The following MLLT1 variants were observed in gnomAD, a reference collection of about 807,000 sequenced individuals.
The protein encoded by MLLT1 is MLLT1 super elongation complex subunit.
MLLT1 carries 11 observed loss-of-function variants against 55.1 expected under a neutral mutation model. The observed-to-expected ratio is 0.20, with a 90% CI of 0.13 to 0.33. The LOEUF (loss-of-function observed/expected upper bound fraction) is 0.33. MLLT1 is among the 10% of genes least tolerant of loss of function. The pLI is 1.00. For missense variants in MLLT1, 536 were observed against 760.6 expected, an observed-to-expected ratio of 0.70 and a Z score of 3.47; for synonymous variants, 323 against 320.1, an observed-to-expected ratio of 1.01 and a Z score of -0.10.
Position 6,226,822 on chromosome 19 carries a change from C to T in MLLT1, c.546+155G>A, listed in dbSNP as rs1340491951. ...CTGAAATCCTAGGGAAGCGGCAGTG[C>T]GCAGCGAGGGGTGTGCAGAGAGCTC... is the stretch of plus-strand genomic sequence containing the variant. On this transcript the variant is annotated intron_variant, in intron 5 of 11. Transcript: ENST00000252674. This position sits in a 1 kb window ranked among gnomAD's most constrained non-coding sequence, Gnocchi z 6.3. 2.0e-5 allele frequency among the ~76,000 whole-genome samples: 3 copies of T among 152,008 alleles called. No individual in the cohort carries two copies. Among genetic ancestry groups the T allele is most frequent in the South Asian group, 2.1e-4 (1 of 4,830 alleles).
At position 6,219,264 on chromosome 19, in the gene MLLT1, C is replaced by T. The variant is rs549333958; in HGVS notation, c.1111-1223G>A. Among the ~76,000 whole-genome samples the T allele has an allele frequency of 6.6e-6, 1 of 152,304 alleles. No individual in the cohort carries two copies. Among genetic ancestry groups the T allele is most frequent in the African/African-American group, 2.4e-5 (1 of 41,576 alleles). ...CCCAGCCCCCTCCTGCCCCTCAAACCAGCCCCTGCCAGCGCCCCTTCCCAC... is the reference window on the plus strand; with the variant it reads ...CCCAGCCCCCTCCTGCCCCTCAAACTAGCCCCTGCCAGCGCCCCTTCCCAC... On this transcript the variant is annotated intron_variant, in intron 6 of 11. Transcript: ENST00000252674. This position sits in a 1 kb window ranked among gnomAD's most constrained non-coding sequence, Gnocchi z 4.5.
intron 8 of MLLT1, 56 bp from the exon 9 acceptor site, chr19:6,214,094 C>T (rs1358599522): frequency 8.6e-7 from 1 of 1,162,864 alleles, no homozygotes; most frequent in Non-Finnish European, 1.1e-6. Flanking sequence ...GCCCCCACCC[C>T]ACCCCCAGGC....
rs2091102905 is a variant in MLLT1, at chr19:6,240,327, G to GCCT, written c.277-9615_277-9614insAGG. ...AAGAGGCTGGCCCTGGTCAGGGGAGGCGGGGGAGTTTTCTTCTTGTACCCC... is the reference window on the plus strand; with the variant it reads ...AAGAGGCTGGCCCTGGTCAGGGGAGGCCTCGGGGGAGTTTTCTTCTTGTACCCC... On this transcript the variant is annotated intron_variant, in intron 3 of 11. Coordinates refer to ENST00000252674, the MANE Select transcript of MLLT1 (RefSeq NM_005934.4). The surrounding 1 kb of genome is among the most constrained non-coding windows in gnomAD (Gnocchi z 4.7). Among the ~76,000 whole-genome samples the GCCT allele has an allele frequency of 6.6e-6, 1 of 152,236 alleles. No individual in the cohort carries two copies. Among genetic ancestry groups the GCCT allele is most frequent in the South Asian group, 2.1e-4 (1 of 4,838 alleles).
At chr19:6,278,934 GA>G (rs2091442459) in intron 1 of MLLT1, among the ~76,000 whole-genome samples, 1 of 152,080 alleles carries the variant, frequency 6.6e-6, no homozygotes, top group Non-Finnish European at 1.5e-5. Flanking sequence ...AAAGAGAGGG[GA>G]CACTCCAAAC....
At chr19:6,218,298 G>A (rs556213074) in intron 6 of MLLT1, among the ~76,000 whole-genome samples, 120 of 152,350 alleles carry the variant, frequency 7.9e-4, no homozygotes, top group African/African-American at 2.5e-3. Flanking sequence ...CCAGGAGACC[G>A]TGTGGACCAC....
In MLLT1 at chr19:6,211,688, C is replaced by A; in HGVS notation, c.*1354G>T. ...GTCAGGGGGTTGAGAGGACTGGAGG[C>A]GCCTCGAGTCAATGTCTGGGAAACA... On this transcript the variant is annotated 3_prime_UTR_variant, in exon 12 of 12. Coordinates refer to ENST00000252674, the MANE Select transcript of MLLT1 (RefSeq NM_005934.4). The surrounding 1 kb of genome is among the most constrained non-coding windows in gnomAD (Gnocchi z 4.6). 9.4e-7 allele frequency: 1 copy of A among 1,064,302 alleles called. No individual in the cohort carries two copies. The highest frequency in any genetic ancestry group is 1.1e-6 in the Non-Finnish European group (1 of 878,616). The allele number at this position is 1,064,302 out of a possible 1,614,324, so 65.9% of individuals were successfully genotyped here.
chr19:6,215,891 C>A (rs1377201749), intron 8 of MLLT1, among the ~76,000 whole-genome samples: 1 of 152,170 alleles, frequency 6.6e-6, no homozygotes, highest in Non-Finnish European at 1.5e-5. Flanking sequence ...CTGCATATCC[C>A]AAGGATGTGC....
chr19:6,261,770 A>C (rs2091308066), intron 3 of MLLT1, among the ~76,000 whole-genome samples: 2 of 152,116 alleles, frequency 1.3e-5, no homozygotes, highest in Admixed American at 1.3e-4. Flanking sequence ...TTCAAGTATT[A>C]TATATGTAGC....
At chr19:6,253,117 T>C (rs2144922095) in intron 3 of MLLT1, among the ~76,000 whole-genome samples, 1 of 150,352 alleles carries the variant, frequency 6.7e-6, no homozygotes, top group East Asian at 2.0e-4. Flanking sequence ...CAAAAAAAAA[T>C]TAGCCAGGTA....
intron 3 of MLLT1, among the ~76,000 whole-genome samples, chr19:6,239,167 C>G (rs1276943197): frequency 6.6e-6 from 1 of 152,224 alleles, no homozygotes; most frequent in Non-Finnish European, 1.5e-5. Context: ...ACTAGGCTCT[C>G]GCGTTCACCG....
intron 1 of MLLT1, among the ~76,000 whole-genome samples, chr19:6,271,328 A>T (rs1299777165): frequency 6.6e-6 from 1 of 152,170 alleles, no homozygotes; most frequent in Non-Finnish European, 1.5e-5. Flanking sequence ...CACGCATCAC[A>T]GCGCCTCCCG....
intron 4 of MLLT1, among the ~76,000 whole-genome samples, chr19:6,228,369 G>A (rs2090973490): frequency 6.6e-6 from 1 of 152,140 alleles, no homozygotes; most frequent in African/African-American, 2.4e-5. Flanking sequence ...ATCACGCAGT[G>A]TCTCGCTCTA....
chr19:6,234,002 T>A (rs138022188), intron 3 of MLLT1, among the ~76,000 whole-genome samples: 1,887 of 151,206 alleles, frequency 0.012, 26 homozygotes, highest in Middle Eastern at 0.031. Flanking sequence ...GTGAGCCAAC[T>A]GAGTGAGATG....
chr19:6,249,546 C>G (rs1043831636), intron 3 of MLLT1, among the ~76,000 whole-genome samples: 1 of 152,174 alleles, frequency 6.6e-6, no homozygotes. Flanking sequence ...AGGCCACTTT[C>G]CAAAAGAACA....
In MLLT1 at chr19:6,219,796, A is replaced by C. The variant is rs1412074685; in HGVS notation, c.1111-1755T>G. Reference sequence around the variant, plus strand: ...ACAAGGTCAGCAGGGATGGAAGCAGAGAGGATGCTGAGCCCCGAGAGGCCC... The same window carrying C: ...ACAAGGTCAGCAGGGATGGAAGCAGCGAGGATGCTGAGCCCCGAGAGGCCC... On this transcript the variant is annotated intron_variant, in intron 6 of 11. Transcript: ENST00000252674. The surrounding 1 kb of genome is among the most constrained non-coding windows in gnomAD (Gnocchi z 4.5). Among the ~76,000 whole-genome samples the C allele has an allele frequency of 6.6e-6, 1 of 152,216 alleles. No homozygotes were observed. Among genetic ancestry groups the C allele is most frequent in the Non-Finnish European group, 1.5e-5 (1 of 68,038 alleles).
chr19:6,220,161 T>A (rs2090882992), intron 6 of MLLT1, among the ~76,000 whole-genome samples: 1 of 152,220 alleles, frequency 6.6e-6, no homozygotes, highest in Admixed American at 6.5e-5. Context: ...GTGCAGATTC[T>A]TCCGATGGCC....
At position 6,230,129 on chromosome 19, in the gene MLLT1, G is replaced by T. The variant is rs1335564436; in HGVS notation, c.420+441C>A. On this transcript the variant is annotated intron_variant, in intron 4 of 11. Transcript: ENST00000252674. This position sits in a 1 kb window ranked among gnomAD's most constrained non-coding sequence, Gnocchi z 9.0. ...ACTCCAGCCACCGCATGGGGGTCCC[G>T]GCCACACGACTCCTGGAGAGCCCTG... Among the ~76,000 whole-genome samples the T allele has an allele frequency of 6.6e-6, 1 of 152,270 alleles. No individual in the cohort carries two copies. The highest frequency in any genetic ancestry group is 2.1e-4 in the South Asian group (1 of 4,826).
At chr19:6,261,470 C>T (rs530297704) in intron 3 of MLLT1, among the ~76,000 whole-genome samples, 11 of 152,206 alleles carry the variant, frequency 7.2e-5, no homozygotes, top group African/African-American at 1.9e-4. Context: ...ATCCACAGGC[C>T]TCCCAGGGAC....
chr19:6,243,104 A>G (rs1411855062), intron 3 of MLLT1, among the ~76,000 whole-genome samples: 3 of 152,240 alleles, frequency 2.0e-5, no homozygotes, highest in Admixed American at 2.0e-4. Context: ...AAAACAAAGC[A>G]AGACAAAAAT....
Sources: gnomAD v4.1 joint callset for allele counts (sites outside exome capture counted in the v4.1 genomes callset) on GRCh38, gnomAD v4.1.1 for gene constraint, Gnocchi (gnomAD v3.1) non-coding constraint, MANE v1.5 for transcripts, NCBI Gene and HGNC (gene_info 2026-07-23, HGNC 2026-07-21) for gene names.